The following VWA8 variants were observed in gnomAD, a reference collection of about 807,000 sequenced individuals.
VWA8 encodes the protein von Willebrand factor A domain containing 8.
Under a neutral mutation model 241.5 loss-of-function variants are expected in VWA8, and 221 were observed. The observed-to-expected ratio is 0.91, with a 90% CI of 0.82 to 1.02. The LOEUF is 1.02. Among genes scored for constraint, VWA8 ranks in the 50% least tolerant of loss-of-function variants. The probability of loss-of-function intolerance (pLI) is 0.00; values close to 1 mark genes in which losing one functional copy is unlikely to be tolerated. For synonymous variants in VWA8, 852 were observed against 827.1 expected, an observed-to-expected ratio of 1.03 and a Z score of -0.52; for missense variants, 2,322 against 2,328.7, an observed-to-expected ratio of 1.00 and a Z score of 0.06.
intron 14 of VWA8, among the ~76,000 whole-genome samples, chr13:41,829,960 C>T (rs1217602946): frequency 6.6e-6 from 1 of 152,090 alleles, no homozygotes; most frequent in African/African-American, 2.4e-5. Context: ...AAATCACTGT[C>T]GGCCGGGCAC....
chr13:41,609,867 A>G (rs958903174), intron 39 of VWA8, among the ~76,000 whole-genome samples: 12 of 151,994 alleles, frequency 7.9e-5, no homozygotes, highest in Admixed American at 4.6e-4. Context: ...TCCCTTCCCC[A>G]TGTCCTCTCT....
rs1169186 is a variant in VWA8 at position 41,868,757 on chromosome 13, G to A, written c.1081-280C>T. 6.9e-4 allele frequency among the ~76,000 whole-genome samples: 104 copies of A among 151,490 alleles called. 1 individual carries two copies. Among genetic ancestry groups the A allele is most frequent in the African/African-American group, 2.2e-3 (93 of 41,356 alleles). On this transcript the variant is annotated intron_variant, in intron 9 of 44. Transcript: ENST00000379310. Reference sequence around the variant, plus strand: ...AAAAAAATTAGCTGGGCGTGGTGGCGGGCACCTGTAGTACCAGCTACTCGG... The same window carrying A: ...AAAAAAATTAGCTGGGCGTGGTGGCAGGCACCTGTAGTACCAGCTACTCGG...
intron 37 of VWA8, among the ~76,000 whole-genome samples, chr13:41,654,883 T>C (rs535797429): frequency 5.3e-5 from 8 of 152,286 alleles, no homozygotes; most frequent in Admixed American, 3.9e-4. Context: ...ACTGTTCAGA[T>C]TGAAAGACAC....
intron 24 of VWA8, among the ~76,000 whole-genome samples, chr13:41,726,623 GA>G (rs529698146): frequency 6.6e-6 from 1 of 152,050 alleles, no homozygotes; most frequent in Non-Finnish European, 1.5e-5. Context: ...AATGGTTTAA[GA>G]AAAAAGACTC....
rs527365721 is a variant in VWA8 at position 41,883,378 on chromosome 13, G to A, written c.1080+9C>T. ...AAAAGAAAGGAAAGAAAGGGAAGCAGACACTCACCTTTAAAACACCTTCCA... is the reference window on the plus strand; with the variant it reads ...AAAAGAAAGGAAAGAAAGGGAAGCAAACACTCACCTTTAAAACACCTTCCA... On this transcript the variant is annotated intron_variant, in intron 9 of 44. Transcript: ENST00000379310. 1.3e-6 allele frequency: 2 copies of A among 1,593,896 alleles called. No individual in the cohort carries two copies. The highest frequency in any genetic ancestry group is 4.5e-5 in the East Asian group (2 of 44,684).
chr13:41,932,613 A>G (rs961021316), intron 2 of VWA8, among the ~76,000 whole-genome samples: 1 of 152,030 alleles, frequency 6.6e-6, no homozygotes, highest in Non-Finnish European at 1.5e-5. Context: ...TGTTACCAAG[A>G]GGGTCTTATC....
chr13:41,891,549 A>C lies in VWA8; in HGVS notation c.522T>G (p.Ile174Met). 1 of 1,614,188 alleles carries C rather than the reference A, an allele frequency of 6.2e-7. No individual in the cohort carries two copies. Residue 174 changes from isoleucine (I) to methionine (M), a missense_variant, in exon 5 of 45, where the codon ATT (isoleucine) becomes ATG (methionine). Ile to Met is a conservative substitution (Grantham distance 10). Transcript: ENST00000379310. ...VRAATEGRTL[I>M]LEGLEKAERN... ...TCTCTGCCTTTTCCAAACCTTCCAA[A>C]ATGAGAGTTCTGCCTTCTGTGGCTG...
At chr13:41,732,034 G>A in intron 22 of VWA8, 46 bp downstream of exon 22, 1 of 1,544,198 alleles carries the variant, frequency 6.5e-7, no homozygotes, top group Non-Finnish European at 8.9e-7. Flanking sequence ...ATACAACTAT[G>A]ATACAAAAAT....
intron 26 of VWA8, among the ~76,000 whole-genome samples, chr13:41,716,589 T>C (rs2137843194): frequency 6.6e-6 from 1 of 152,152 alleles, no homozygotes; most frequent in South Asian, 2.1e-4. Flanking sequence ...CTTATATCTC[T>C]TTTTAGCTAT....
At position 41,615,043 on chromosome 13, in the gene VWA8, G is replaced by A; in HGVS notation, c.4653C>T (p.Pro1551=). Reference sequence around the variant, plus strand: ...TGTCTGGGTCCTCCTTCCCGTGTTTGGGGGAGCTTACATCTTCACCACTGT... The same window carrying A: ...TGTCTGGGTCCTCCTTCCCGTGTTTAGGGGAGCTTACATCTTCACCACTGT... ...NRDSGEDVSS[P]KHGKEDPDNM... is the part of the protein sequence containing the mutation. The change falls in exon 38 of 45, where the codon CCC becomes CCT. Residue 1551 remains proline (P), a synonymous_variant. Coordinates refer to ENST00000379310, the MANE Select transcript of VWA8 (RefSeq NM_015058.2). 1 of 1,613,850 alleles carries A rather than the reference G, an allele frequency of 6.2e-7. No individual in the cohort carries two copies. The highest frequency in any genetic ancestry group is 8.5e-7 in the Non-Finnish European group (1 of 1,179,906).
intron 43 of VWA8, among the ~76,000 whole-genome samples, chr13:41,571,493 T>C (rs2044303944): frequency 6.6e-6 from 1 of 152,098 alleles, no homozygotes; most frequent in Non-Finnish European, 1.5e-5. Flanking sequence ...GGATTGCAGG[T>C]GCCCGCCGCC....
At chr13:41,602,253 A>G (rs534851767) in intron 40 of VWA8, among the ~76,000 whole-genome samples, 11 of 152,118 alleles carry the variant, frequency 7.2e-5, no homozygotes, top group Non-Finnish European at 1.3e-4. Flanking sequence ...GCATTTGGAT[A>G]ATGATGCAAA....
intron 9 of VWA8, among the ~76,000 whole-genome samples, chr13:41,871,911 C>G (rs559491488): frequency 6.6e-6 from 1 of 152,348 alleles, no homozygotes; most frequent in South Asian, 2.1e-4. Context: ...AACTAGTTTA[C>G]AGTCCCACCA....
chr13:41,707,884 C>A (rs2045292159), intron 26 of VWA8, among the ~76,000 whole-genome samples: 1 of 152,078 alleles, frequency 6.6e-6, no homozygotes, highest in African/African-American at 2.4e-5. Flanking sequence ...CCCTATATTC[C>A]TTTCTGGGAA....
chr13:41,683,683 G>C (rs2045115820), intron 35 of VWA8, among the ~76,000 whole-genome samples: 1 of 152,134 alleles, frequency 6.6e-6, no homozygotes, highest in Non-Finnish European at 1.5e-5. Context: ...GAGTGGAAGA[G>C]GTAACAATAT....
chr13:41,635,150 G>A (rs568978475), intron 37 of VWA8, among the ~76,000 whole-genome samples: 13 of 152,210 alleles, frequency 8.5e-5, no homozygotes, highest in African/African-American at 3.1e-4. Flanking sequence ...TGTGAAATCT[G>A]AACACTATTC....
chr13:41,636,332 T>A (rs2044756373), intron 37 of VWA8, among the ~76,000 whole-genome samples: 1 of 152,136 alleles, frequency 6.6e-6, no homozygotes, highest in African/African-American at 2.4e-5. Context: ...GGGGAAAGGA[T>A]TCCCTATTTA....
chr13:41,638,393 C>T (rs576044494), intron 37 of VWA8, among the ~76,000 whole-genome samples: 1 of 152,166 alleles, frequency 6.6e-6, no homozygotes, highest in East Asian at 1.9e-4. Context: ...CCTGAAACCA[C>T]GGAAGTGAAT....
intron 3 of VWA8, among the ~76,000 whole-genome samples, chr13:41,909,249 G>A (rs1378358976): frequency 6.6e-6 from 1 of 152,046 alleles, no homozygotes; most frequent in Non-Finnish European, 1.5e-5. Flanking sequence ...TAGTACAGAC[G>A]GGATTTCACC....
Sources: gnomAD v4.1 joint callset for allele counts (sites outside exome capture counted in the v4.1 genomes callset) on GRCh38, gnomAD v4.1.1 for gene constraint, MANE v1.5 for transcripts, NCBI Gene and HGNC (gene_info 2026-07-23, HGNC 2026-07-21) for gene names.